The following KCNMA1 variants were observed in gnomAD, a reference collection of about 807,000 sequenced individuals.
KCNMA1 encodes the protein Calcium-activated potassium channel subunit alpha-1.
In KCNMA1, 29 loss-of-function variants were observed where a neutral mutation model predicts 140.0. That is an observed-to-expected ratio of 0.21 (90% CI 0.15 to 0.28). KCNMA1 has a LOEUF of 0.28. Among genes scored for constraint, KCNMA1 ranks in the 10% least tolerant of loss-of-function variants. KCNMA1 has a pLI of 1.00. For missense variants in KCNMA1, 880 were observed against 1,602.2 expected (o/e 0.55, Z 7.70); for synonymous variants, 612 against 611.9 (o/e 1.00, Z 0.00).
intron 19 of KCNMA1, among the ~76,000 whole-genome samples, chr10:76,990,542 T>A (rs1042333545): frequency 7.2e-5 from 11 of 152,178 alleles, no homozygotes; most frequent in Non-Finnish European, 1.6e-4. Context: ...CTTGCAAATT[T>A]CACATTCATG....
At chr10:77,018,229 T>C (rs1350837013) in intron 17 of KCNMA1, among the ~76,000 whole-genome samples, 1 of 152,214 alleles carries the variant, frequency 6.6e-6, no homozygotes, top group Non-Finnish European at 1.5e-5. Flanking sequence ...TAGGCTTATA[T>C]AACTAATGAT....
chr10:77,609,052 C>CA (rs2085690823), intron 1 of KCNMA1, among the ~76,000 whole-genome samples: 1 of 152,072 alleles, frequency 6.6e-6, no homozygotes, highest in Non-Finnish European at 1.5e-5. Context: ...TCAGAAAAAT[C>CA]AAAAATAGAA....
chr10:77,110,382 G>A, intron 7 of KCNMA1, 39 bp from the exon 8 acceptor site: 1 of 1,561,632 alleles, frequency 6.4e-7, no homozygotes, highest in South Asian at 1.1e-5. Context: ...AGAAAAACAT[G>A]CTATTGAAGT....
intron 6 of KCNMA1, among the ~76,000 whole-genome samples, chr10:77,120,024 A>T (rs916149473): frequency 6.6e-6 from 1 of 152,242 alleles, no homozygotes; most frequent in African/African-American, 2.4e-5. Context: ...CAGGAAAATG[A>T]TGCTGAATCT....
intron 25 of KCNMA1, among the ~76,000 whole-genome samples, chr10:76,897,395 G>C (rs2043046245): frequency 6.6e-6 from 1 of 151,802 alleles, no homozygotes; most frequent in Admixed American, 6.6e-5. Context: ...AAACAATGCT[G>C]TAAGAAATAC....
chr10:77,574,805 G>A (rs1382895196), intron 1 of KCNMA1, among the ~76,000 whole-genome samples: 1 of 152,230 alleles, frequency 6.6e-6, no homozygotes, highest in East Asian at 1.9e-4. Context: ...CACTGTAAGT[G>A]CCATATAATT....
intron 2 of KCNMA1, among the ~76,000 whole-genome samples, chr10:77,329,880 A>T (rs1000858659): frequency 6.6e-6 from 1 of 152,154 alleles, no homozygotes; most frequent in African/African-American, 2.4e-5. Flanking sequence ...CAAAAATAAT[A>T]CTTAGTTCAT....
chr10:77,042,570 A>G (rs2094795019), intron 14 of KCNMA1, among the ~76,000 whole-genome samples: 1 of 152,164 alleles, frequency 6.6e-6, no homozygotes, highest in Admixed American at 6.5e-5. Flanking sequence ...TGTGTTGTTT[A>G]TGGTCTAATT....
chr10:77,076,027 C>G (rs1188849057), intron 13 of KCNMA1, among the ~76,000 whole-genome samples: 3 of 152,170 alleles, frequency 2.0e-5, no homozygotes, highest in Admixed American at 6.5e-5. Flanking sequence ...ACTGGAAATA[C>G]GCTGTCCTGG....
chr10:76,918,960 G>C (rs1347133107), intron 23 of KCNMA1, among the ~76,000 whole-genome samples: 1 of 148,168 alleles, frequency 6.7e-6, no homozygotes, highest in African/African-American at 2.5e-5. Flanking sequence ...ATATATGTGA[G>C]TGAATACTAC....
intron 13 of KCNMA1, among the ~76,000 whole-genome samples, chr10:77,075,369 G>A (rs181432012): frequency 6.6e-6 from 1 of 152,328 alleles, no homozygotes; most frequent in East Asian, 1.9e-4. Flanking sequence ...AACCTGAGAG[G>A]AATGAGGAGA....
intron 1 of KCNMA1, among the ~76,000 whole-genome samples, chr10:77,563,078 C>A (rs902571831): frequency 1.3e-4 from 20 of 150,002 alleles, no homozygotes; most frequent in Non-Finnish European, 2.4e-4. Context: ...AAAAAAAGTT[C>A]AACTATTTTT....
chr10:77,508,432 G>T (rs1166219653), intron 1 of KCNMA1, among the ~76,000 whole-genome samples: 1 of 149,176 alleles, frequency 6.7e-6, no homozygotes, highest in Non-Finnish European at 1.5e-5. Context: ...CAGTCTGCCT[G>T]CCTCGGCCTC....
intron 14 of KCNMA1, among the ~76,000 whole-genome samples, chr10:77,045,396 T>C (rs2153604429): frequency 6.6e-6 from 1 of 152,344 alleles, no homozygotes; most frequent in African/African-American, 2.4e-5. Flanking sequence ...GATGATGCTC[T>C]GTGGGTCCTT....
chr10:77,440,890 C>T (rs2097382499), intron 1 of KCNMA1, among the ~76,000 whole-genome samples: 1 of 152,200 alleles, frequency 6.6e-6, no homozygotes, highest in South Asian at 2.1e-4. Context: ...ACGATCTTGG[C>T]TCACTGCAAG....
intron 15 of KCNMA1, 98 bp downstream of exon 15, chr10:77,039,430 G>C (rs1003745806): frequency 1.0e-5 from 8 of 771,326 alleles, no homozygotes; most frequent in Non-Finnish European, 1.9e-5. Context: ...CAATTGTCAA[G>C]TGCTCCAACT....
At chr10:77,523,680 T>C (rs1299056452) in intron 1 of KCNMA1, among the ~76,000 whole-genome samples, 3 of 152,258 alleles carry the variant, frequency 2.0e-5, no homozygotes, top group East Asian at 1.9e-4. Context: ...AATATGCATA[T>C]ACTTTGTGGT....
At chr10:76,962,094 A>G (rs2071743616) in intron 20 of KCNMA1, among the ~76,000 whole-genome samples, 1 of 152,234 alleles carries the variant, frequency 6.6e-6, no homozygotes. Context: ...AACAGCCTAA[A>G]GCAAAACCAC....
At chr10:77,542,300 G>T (rs2060367625) in intron 1 of KCNMA1, among the ~76,000 whole-genome samples, 1 of 152,184 alleles carries the variant, frequency 6.6e-6, no homozygotes, top group Non-Finnish European at 1.5e-5. Flanking sequence ...GGAAGAATTG[G>T]CATAAAGAGA....
Sources: allele counts gnomAD v4.1 joint callset (sites outside exome capture counted in the v4.1 genomes callset), GRCh38; gene constraint gnomAD v4.1.1; transcripts MANE v1.5; gene names NCBI Gene and HGNC (gene_info 2026-07-23, HGNC 2026-07-21).